The following CREB3L3 variants were observed in gnomAD, a reference collection of about 807,000 sequenced individuals.
CREB3L3 encodes the protein cAMP responsive element binding protein 3 like 3.
A neutral mutation model predicts 44.6 loss-of-function variants in CREB3L3; 40 were observed. That is an observed-to-expected ratio of 0.90 (90% confidence interval 0.70 to 1.17). CREB3L3 has a LOEUF of 1.17. CREB3L3 is among the 50% of genes most tolerant of loss of function. CREB3L3 has a pLI of 0.00. For synonymous variants in CREB3L3, 273 were observed against 256.3 expected, an observed-to-expected ratio of 1.06 and a Z score of -0.62; for missense variants, 578 against 595.8, an observed-to-expected ratio of 0.97 and a Z score of 0.31.
At position 4,167,539 on chromosome 19, in the gene CREB3L3, AG is replaced by A. The variant is rs200866724; in HGVS notation, c.715-809del. On this transcript the variant is annotated intron_variant, in intron 5 of 9. Transcript: ENST00000078445. The stretch of plus-strand genomic sequence containing the variant: ...AAGAGAGAAAGGGAGAAAGGAAGGA[AG>A]GGAGGGAGGGAGGGAGGGAGGGGAA... 5.0e-4 allele frequency among the ~76,000 whole-genome samples: 61 copies of A among 121,992 alleles called. 1 individual carries two copies. The highest frequency in any genetic ancestry group is 1.3e-3 in the Admixed American group (14 of 10,514). 80.0% of individuals were successfully genotyped at this position (121,992 alleles called of 152,430 possible).
Position 4,171,142 on chromosome 19 carries a change from C to T in CREB3L3, c.942C>T (p.Thr314=), listed in dbSNP as rs754228298. 4 of 1,614,102 alleles carry T rather than the reference C, an allele frequency of 2.5e-6. No individual in the cohort carries two copies. The East Asian group carries it at 8.9e-5, about 36-fold the overall frequency. Residue 314 remains threonine (T), a synonymous_variant, in exon 8 of 10, where the codon ACC becomes ACT. Coordinates refer to ENST00000078445, the MANE Select transcript of CREB3L3 (RefSeq NM_032607.3). This position sits in a 1 kb window ranked among gnomAD's most constrained non-coding sequence, Gnocchi z 4.9. ...TCCAGGCCATTGTGGTGCAGTCCAC[C>T]AGCAAGTCAGCCCAGACAGGCACCT... ...KKLQAIVVQS[T]SKSAQTGTCV... is the part of the protein sequence containing the mutation.
At position 4,168,376 on chromosome 19, in the gene CREB3L3, T is replaced by C; in HGVS notation, c.740T>C (p.Ile247Thr). Residue 247 changes from isoleucine to threonine, a missense_variant, in exon 6 of 10, where the codon ATC becomes ACC. Physicochemically the swap from Ile to Thr is moderately conservative, Grantham distance 89 (BLOSUM62 -1). Transcript: ENST00000078445. ...TKYEERVLKK[I>T]RRKIRNKQSA... ...TACGAGGAGCGAGTGCTGAAAAAAA[T>C]CCGCCGGAAAATCCGGAACAAGCAG... is the stretch of plus-strand genomic sequence containing the variant. 6.2e-7 allele frequency: 1 copy of C among 1,610,248 alleles called. No individual in the cohort carries two copies.
At chr19:4,155,167 AT>A (rs2041555840) in intron 2 of CREB3L3, 140 bp downstream of exon 2, 1 of 1,057,976 alleles carries the variant, frequency 9.5e-7, no homozygotes, top group South Asian at 1.4e-5. Context: ...ACGGTGCTTG[AT>A]TTTAGCCAAG....
chr19:4,163,668 A>G (rs2041690125), intron 4 of CREB3L3, among the ~76,000 whole-genome samples: 1 of 148,170 alleles, frequency 6.7e-6, no homozygotes, highest in Non-Finnish European at 1.5e-5. Flanking sequence ...ACGTGCCACC[A>G]CACCAGGCTG....
At chr19:4,161,410 G>T (rs1027485865) in intron 4 of CREB3L3, among the ~76,000 whole-genome samples, 2 of 152,056 alleles carry the variant, frequency 1.3e-5, no homozygotes, top group Non-Finnish European at 2.9e-5. Context: ...ACTGCGCCCC[G>T]CCTGGGGCTT....
intron 3 of CREB3L3, among the ~76,000 whole-genome samples, chr19:4,158,904 C>T (rs1468343203): frequency 6.6e-6 from 1 of 152,126 alleles, no homozygotes; most frequent in African/African-American, 2.4e-5. Context: ...TTACCTGACC[C>T]AAAGTTTGTG....
At chr19:4,165,800 C>T (rs1432607538) in intron 5 of CREB3L3, among the ~76,000 whole-genome samples, 1 of 152,050 alleles carries the variant, frequency 6.6e-6, no homozygotes, top group African/African-American at 2.4e-5. Flanking sequence ...TCCCTTGAAC[C>T]CGGGAGGTGG....
intron 5 of CREB3L3, among the ~76,000 whole-genome samples, chr19:4,167,542 G>GGA: frequency 8.2e-6 from 1 of 122,660 alleles, no homozygotes; most frequent in Admixed American, 9.6e-5. Flanking sequence ...GGAAGGAAGG[G>GGA]AGGGAGGGAG....
At chr19:4,168,309 G>A in intron 5 of CREB3L3, 42 bp from the exon 6 acceptor site, 2 of 1,533,194 alleles carry the variant, frequency 1.3e-6, no homozygotes, top group Non-Finnish European at 1.8e-6. Flanking sequence ...TCCAAGTGGG[G>A]ACTTTCTGGC....
intron 1 of CREB3L3, among the ~76,000 whole-genome samples, chr19:4,154,568 G>T (rs2041548240): frequency 6.6e-6 from 1 of 151,930 alleles, no homozygotes; most frequent in South Asian, 2.1e-4. Flanking sequence ...AGGGATAGGG[G>T]TCTCTATGTT....
At chr19:4,153,812 A>T (rs376786216) in intron 1 of CREB3L3, 38 bp downstream of exon 1, 2 of 1,612,332 alleles carry the variant, frequency 1.2e-6, no homozygotes, top group Non-Finnish European at 1.7e-6. Context: ...GCGGGAGTCT[A>T]GGCTGGGAAA....
chr19:4,157,230 C>T lies in CREB3L3; in HGVS notation c.392C>T (p.Ser131Phe). The change falls in exon 3 of 10, where the codon TCT becomes TTT. Residue 131 changes from serine (S) to phenylalanine (F), a missense_variant. Transcript: ENST00000078445. ...GPCLSYHPGN[S>F]CSTTTPGPVI... ...TGCCTCTCCTATCATCCTGGCAACT[C>T]TTGCTCCACCACAACCCCAGGGCCA... The T allele has an allele frequency of 6.2e-7, 1 of 1,614,172 alleles. No individual in the cohort carries two copies. The highest frequency in any genetic ancestry group is 2.2e-5 in the East Asian group (1 of 44,884).
chr19:4,158,365 G>T (rs1292542142), intron 3 of CREB3L3, among the ~76,000 whole-genome samples: 1 of 151,780 alleles, frequency 6.6e-6, no homozygotes, highest in Non-Finnish European at 1.5e-5. Flanking sequence ...GGCATGGTGG[G>T]GGCCACCTGT....
In CREB3L3 at chr19:4,154,949, G is replaced by A; in HGVS notation, c.78G>A (p.Leu26=). ...ACCCCATCGACAGCTTTGAGCTCCT[G>A]GATCTCCTGTTTGACCGGCAGGACG... The part of the protein sequence containing the change: ...SMDPIDSFEL[L]DLLFDRQDGI... Residue 26 remains leucine, a synonymous_variant, in exon 2 of 10, where the codon CTG becomes CTA. Coordinates refer to ENST00000078445, the MANE Select transcript of CREB3L3 (RefSeq NM_032607.3). 1.2e-6 allele frequency: 2 copies of A among 1,613,750 alleles called. No homozygotes were observed. Among genetic ancestry groups the A allele is most frequent in the East Asian group, 2.2e-5 (1 of 44,880 alleles).
intron 4 of CREB3L3, among the ~76,000 whole-genome samples, chr19:4,163,305 TAAGA>T (rs949181508): frequency 4.8e-5 from 5 of 104,822 alleles, no homozygotes; most frequent in Non-Finnish European, 9.9e-5. Context: ...GAGACTCGTC[TAAGA>T]AAGAAAGAAA....
At chr19:4,161,177 T>C (rs1803764313) in intron 4 of CREB3L3, among the ~76,000 whole-genome samples, 1 of 152,176 alleles carries the variant, frequency 6.6e-6, no homozygotes, top group South Asian at 2.1e-4. Context: ...TTAGCCAGGA[T>C]GGTCTCGATC....
In CREB3L3 at chr19:4,171,935, G is replaced by C. The variant is rs373570772; in HGVS notation, c.1352G>C (p.Arg451Pro). 1.9e-6 allele frequency: 3 copies of C among 1,609,536 alleles called. No individual in the cohort carries two copies. Among genetic ancestry groups the C allele is most frequent in the African/African-American group, 1.3e-5 (1 of 74,888 alleles). The change falls in exon 10 of 10, where the codon CGT becomes CCT. Residue 451 changes from arginine (R) to proline (P), a missense_variant. Coordinates refer to ENST00000078445, the MANE Select transcript of CREB3L3 (RefSeq NM_032607.3). This position sits in a 1 kb window ranked among gnomAD's most constrained non-coding sequence, Gnocchi z 4.9. ...CCTGGGCCGAGCACTGGCTCAGGAC[G>C]TGCAGGGCTGGAGGCGGCGGGAGAC... ...VAPGPSTGSG[R>P]AGLEAAGDEL
intron 4 of CREB3L3, 68 bp downstream of exon 4, chr19:4,159,850 A>G: frequency 1.3e-6 from 1 of 790,866 alleles, no homozygotes; most frequent in South Asian, 1.3e-5. Context: ...GAGGAGCCTA[A>G]ATATCCCCGT....
chr19:4,172,173 G>C lies in CREB3L3; in HGVS notation c.*204G>C. On this transcript the variant is annotated 3_prime_UTR_variant, in exon 10 of 10. Coordinates refer to ENST00000078445, the MANE Select transcript of CREB3L3 (RefSeq NM_032607.3). ...CCGACACTCAGACACAAGGCAAAGA[G>C]GGCCACAGGACCCGGGAAATACACA... 2 of 618,654 alleles carry C rather than the reference G, an allele frequency of 3.2e-6. No homozygotes were observed. Among genetic ancestry groups the C allele is most frequent in the Middle Eastern group, 4.3e-4 (1 of 2,326 alleles). The allele number at this position is 618,654 out of a possible 1,614,324, so 38.3% of individuals were successfully genotyped here.
Sources: allele counts gnomAD v4.1 joint callset (sites outside exome capture counted in the v4.1 genomes callset), GRCh38; gene constraint gnomAD v4.1.1; non-coding constraint Gnocchi (gnomAD v3.1); transcripts MANE v1.5; gene names NCBI Gene and HGNC (gene_info 2026-07-23, HGNC 2026-07-21).